The following CNTN4 variants were observed in gnomAD, a reference collection of about 807,000 sequenced individuals.
CNTN4 encodes the protein contactin 4, also known as contactin-4.
A neutral mutation model predicts 122.5 loss-of-function variants in CNTN4; 77 were observed. The observed-to-expected ratio is 0.63, with a 90% CI of 0.52 to 0.76. The LOEUF is 0.76. CNTN4 is among the 30% of genes least tolerant of loss of function. The probability of loss-of-function intolerance (pLI) is 0.00; values close to 1 mark genes in which losing one functional copy is unlikely to be tolerated. For missense variants in CNTN4, 1,256 were observed against 1,259.1 expected (o/e 1.00, Z 0.04); for synonymous variants, 512 against 447.0 (o/e 1.15, Z -1.83).
chr3:2,663,623 T>G (rs1038182858), intron 4 of CNTN4, among the ~76,000 whole-genome samples: 10 of 152,248 alleles, frequency 6.6e-5, no homozygotes, highest in Admixed American at 2.0e-4. Flanking sequence ...GCAGAGAGCT[T>G]AGAACAAAAC....
intron 12 of CNTN4, among the ~76,000 whole-genome samples, chr3:2,922,121 A>G (rs1559670398): frequency 6.6e-6 from 1 of 152,196 alleles, no homozygotes; most frequent in Non-Finnish European, 1.5e-5. Flanking sequence ...AGGAGCTCCC[A>G]GTATCTCAGC....
chr3:2,729,521 G>A (rs923891796), intron 4 of CNTN4, among the ~76,000 whole-genome samples: 18 of 127,372 alleles, frequency 1.4e-4, no homozygotes, highest in Non-Finnish European at 1.6e-5. Context: ...TCCAGCCTGG[G>A]CAACAGAGTG....
At chr3:3,045,669 G>A (rs163564) in intron 23 of CNTN4, among the ~76,000 whole-genome samples, 71,069 of 151,970 alleles carry the variant, frequency 0.47, 18,604 homozygotes, top group African/African-American at 0.71. Context: ...TAAAACCACA[G>A]ATATGGGGAA....
chr3:2,608,522 A>G (rs2081349848), intron 4 of CNTN4, among the ~76,000 whole-genome samples: 1 of 152,184 alleles, frequency 6.6e-6, no homozygotes, highest in African/African-American at 2.4e-5. Flanking sequence ...CCCCAGACAA[A>G]GTCTGCTGCA....
chr3:2,799,222 G>A (rs990845154), intron 6 of CNTN4, among the ~76,000 whole-genome samples: 1 of 152,118 alleles, frequency 6.6e-6, no homozygotes, highest in African/African-American at 2.4e-5. Flanking sequence ...TAAGCTCCTT[G>A]AAGATCCTGG....
At chr3:2,397,310 TTTTG>T (rs1365839328) in intron 3 of CNTN4, among the ~76,000 whole-genome samples, 3 of 152,270 alleles carry the variant, frequency 2.0e-5, no homozygotes, top group Admixed American at 6.5e-5. Context: ...CGTATTAATT[TTTTG>T]TTTGTTTGTT....
chr3:2,815,750 A>G (rs529084098), intron 6 of CNTN4, among the ~76,000 whole-genome samples: 5 of 152,142 alleles, frequency 3.3e-5, no homozygotes, highest in African/African-American at 1.2e-4. Flanking sequence ...CCCAGAGGAA[A>G]AGAAGTCATT....
intron 2 of CNTN4, among the ~76,000 whole-genome samples, chr3:2,172,052 C>T (rs1168960142): frequency 6.6e-6 from 1 of 152,216 alleles, no homozygotes; most frequent in Non-Finnish European, 1.5e-5. Flanking sequence ...AGAACCACTG[C>T]TCTGCTGCAT....
chr3:2,361,389 T>C (rs1381211572), intron 3 of CNTN4, among the ~76,000 whole-genome samples: 2 of 152,152 alleles, frequency 1.3e-5, no homozygotes, highest in Non-Finnish European at 2.9e-5. Flanking sequence ...AGGTGCTATT[T>C]TGTAACCAGT....
intron 2 of CNTN4, among the ~76,000 whole-genome samples, chr3:2,332,645 G>A (rs890996739): frequency 3.4e-5 from 5 of 148,686 alleles, no homozygotes; most frequent in Admixed American, 1.4e-4. Flanking sequence ...ACCGCATATT[G>A]TCACTCATAG....
intron 2 of CNTN4, among the ~76,000 whole-genome samples, chr3:2,106,089 G>GCC (rs1163978309): frequency 1.4e-4 from 22 of 152,224 alleles, no homozygotes; most frequent in African/African-American, 5.3e-4. Flanking sequence ...TGCTGATGCA[G>GCC]GAGGTGGGCT....
chr3:2,506,807 C>T (rs556711190), intron 3 of CNTN4, among the ~76,000 whole-genome samples: 93 of 151,722 alleles, frequency 6.1e-4, no homozygotes, highest in African/African-American at 2.1e-3. Context: ...AGGTGGGAGA[C>T]GGGAGAGGGA....
intron 4 of CNTN4, among the ~76,000 whole-genome samples, chr3:2,657,069 A>C (rs1238599885): frequency 6.6e-6 from 1 of 152,232 alleles, no homozygotes. Flanking sequence ...TGGGACAGCC[A>C]ACTGTTACAG....
intron 4 of CNTN4, among the ~76,000 whole-genome samples, chr3:2,614,515 G>A (rs1360038391): frequency 6.6e-6 from 1 of 152,160 alleles, no homozygotes; most frequent in East Asian, 1.9e-4. Context: ...TGACGGTGGG[G>A]AAGACCAAAC....
At chr3:2,310,278 T>C (rs1315402910) in intron 2 of CNTN4, among the ~76,000 whole-genome samples, 1 of 152,160 alleles carries the variant, frequency 6.6e-6, no homozygotes, top group Admixed American at 6.5e-5. Flanking sequence ...TTCTCTTCTA[T>C]AAAATGAAAA....
chr3:2,911,376 A>G (rs911714665), intron 12 of CNTN4, among the ~76,000 whole-genome samples: 1 of 152,224 alleles, frequency 6.6e-6, no homozygotes, highest in Non-Finnish European at 1.5e-5. Flanking sequence ...AGGGGATTAC[A>G]TACAAAAGCC....
intron 2 of CNTN4, among the ~76,000 whole-genome samples, chr3:2,292,034 C>T (rs868848357): frequency 7.2e-5 from 11 of 152,150 alleles, no homozygotes; most frequent in Admixed American, 1.3e-4. Flanking sequence ...CCGCGCCTGG[C>T]GAACTATAAT....
chr3:2,713,076 G>A (rs961546667), intron 4 of CNTN4, among the ~76,000 whole-genome samples: 5 of 152,196 alleles, frequency 3.3e-5, no homozygotes, highest in Admixed American at 2.0e-4. Context: ...TGGGTCATGG[G>A]AACCTCAACT....
chr3:2,840,172 G>A (rs941041661), intron 7 of CNTN4, among the ~76,000 whole-genome samples: 1 of 151,864 alleles, frequency 6.6e-6, no homozygotes, highest in African/African-American at 2.4e-5. Flanking sequence ...ACCAATCCGG[G>A]GTCATTCTTA....
Sources: allele counts gnomAD v4.1 joint callset (sites outside exome capture counted in the v4.1 genomes callset), GRCh38; gene constraint gnomAD v4.1.1; transcripts MANE v1.5; gene names NCBI Gene and HGNC (gene_info 2026-07-23, HGNC 2026-07-21).